GPR83: variants seen among roughly 807,000 people sequenced by gnomAD.
The protein encoded by GPR83 is G-protein coupled receptor 72.
A neutral mutation model predicts 28.0 loss-of-function variants in GPR83; 23 were observed. The observed-to-expected ratio is 0.82, with a 90% CI of 0.59 to 1.16. The LOEUF is 1.16. Ranked by LOEUF, GPR83 falls within the 50% of genes most tolerant of loss-of-function variation. The probability of loss-of-function intolerance (pLI) is 0.00; values close to 1 mark genes in which losing one functional copy is unlikely to be tolerated. For synonymous variants in GPR83, 234 were observed against 215.4 expected, an observed-to-expected ratio of 1.09 and a Z score of -0.76; for missense variants, 610 against 536.6, an observed-to-expected ratio of 1.14 and a Z score of -1.35.
chr11:94,384,263 G>T (rs1359892668), intron 3 of GPR83, among the ~76,000 whole-genome samples: 1 of 152,088 alleles, frequency 6.6e-6, no homozygotes, highest in Non-Finnish European at 1.5e-5. Flanking sequence ...TGTAGAAAAG[G>T]CCTTCAACAA....
At chr11:94,389,088 T>G (rs201878081) in intron 3 of GPR83, among the ~76,000 whole-genome samples, 1 of 152,186 alleles carries the variant, frequency 6.6e-6, no homozygotes, top group East Asian at 1.9e-4. Flanking sequence ...ATTCCCTATT[T>G]AATAAATGGT....
intron 3 of GPR83, among the ~76,000 whole-genome samples, chr11:94,387,129 A>G (rs146629687): frequency 0.034 from 5,129 of 152,290 alleles, 124 homozygotes; most frequent in Non-Finnish European, 0.053. Context: ...CTGAAACCAA[A>G]GAGAACAAAG....
chr11:94,391,023 C>T (rs1457621645), intron 3 of GPR83, among the ~76,000 whole-genome samples: 1 of 152,154 alleles, frequency 6.6e-6, no homozygotes, highest in Non-Finnish European at 1.5e-5. Context: ...CAAGACATTC[C>T]TGGGCAAGAA....
intron 3 of GPR83, among the ~76,000 whole-genome samples, chr11:94,385,955 C>A (rs1335404328): frequency 6.6e-6 from 1 of 152,148 alleles, no homozygotes; most frequent in East Asian, 1.9e-4. Flanking sequence ...AGAGAAAGGT[C>A]GGGTTACCCA....
chr11:94,389,333 T>C (rs1204728899), intron 3 of GPR83, among the ~76,000 whole-genome samples: 1 of 152,178 alleles, frequency 6.6e-6, no homozygotes, highest in African/African-American at 2.4e-5. Context: ...TGGGATCTAA[T>C]TAAACTAAAG....
rs1050496728 is a variant in GPR83 at position 94,378,868 on chromosome 11, T to G, written c.*1281A>C. On this transcript the variant is annotated 3_prime_UTR_variant, in exon 4 of 4. Coordinates refer to ENST00000243673, the MANE Select transcript of GPR83 (RefSeq NM_016540.4). ...AATCATGCCTCCTGGTTGAGTTTGA[T>G]TCCCTGGTTCATCTTGAGGCTGCCT... 6.6e-6 allele frequency: 1 copy of G among 152,204 alleles called. No homozygotes were observed. The highest frequency in any genetic ancestry group is 6.6e-5 in the Admixed American group (1 of 15,254). 9.4% of individuals were successfully genotyped at this position (152,204 alleles called of 1,614,324 possible).
intron 3 of GPR83, among the ~76,000 whole-genome samples, chr11:94,385,093 G>C (rs559399648): frequency 3.3e-5 from 5 of 152,342 alleles, no homozygotes; most frequent in African/African-American, 1.2e-4. Flanking sequence ...AACAGGGTCT[G>C]AAGTGGACCT....
chr11:94,390,018 TG>T (rs1173281757), intron 3 of GPR83, among the ~76,000 whole-genome samples: 1 of 152,114 alleles, frequency 6.6e-6, no homozygotes, highest in Non-Finnish European at 1.5e-5. Flanking sequence ...ATGTCCTTTG[TG>T]GGGACATGGA....
chr11:94,383,176 G>A (rs1028863459), intron 3 of GPR83, among the ~76,000 whole-genome samples: 27 of 149,468 alleles, frequency 1.8e-4, no homozygotes, highest in African/African-American at 5.2e-4. Context: ...AAAAAAAAAA[G>A]AAACTCACTC....
At chr11:94,384,357 G>T (rs1165650619) in intron 3 of GPR83, among the ~76,000 whole-genome samples, 1 of 152,080 alleles carries the variant, frequency 6.6e-6, no homozygotes, top group African/African-American at 2.4e-5. Flanking sequence ...ACTATTTATG[G>T]GGTGGTTCCA....
chr11:94,388,733 A>C (rs1198649954), intron 3 of GPR83, among the ~76,000 whole-genome samples: 1 of 152,226 alleles, frequency 6.6e-6, no homozygotes, highest in African/African-American at 2.4e-5. Flanking sequence ...AGTATTGTGA[A>C]AATGGCCATA....
chr11:94,380,901 C>T (rs1944680439), intron 3 of GPR83, 128 bp from the exon 4 acceptor site: 2 of 717,504 alleles, frequency 2.8e-6, no homozygotes, highest in Non-Finnish European at 2.3e-6. Flanking sequence ...TAATATGGCA[C>T]TTTTGATGCT....
At chr11:94,388,081 T>C (rs1191602951) in intron 3 of GPR83, among the ~76,000 whole-genome samples, 1 of 152,170 alleles carries the variant, frequency 6.6e-6, no homozygotes, top group African/African-American at 2.4e-5. Flanking sequence ...AACCACACGA[T>C]TATCTCAATA....
In GPR83 at chr11:94,380,185, G is replaced by A. The variant is rs200133196; in HGVS notation, c.1236C>T (p.Asp412=). The change falls in exon 4 of 4, where the codon GAC becomes GAT. Residue 412 remains aspartate (D), a synonymous_variant. Coordinates refer to ENST00000243673, the MANE Select transcript of GPR83 (RefSeq NM_016540.4). The part of the protein sequence containing the change: ...PTSQLQSGKT[D]LSSVEPIVTM... ...TCACAATGGGTTCCACAGATGACAG[G>A]TCTGTCTTCCCAGACTGGAGTTGGG... 75 of 1,518,050 alleles carry A rather than the reference G, an allele frequency of 4.9e-5. No homozygotes were observed. The highest frequency in any genetic ancestry group is 3.2e-4 in the African/African-American group (23 of 71,736). The allele number at this position is 1,518,050 out of a possible 1,614,324, so 94.0% of individuals were successfully genotyped here. A position where few individuals can be genotyped will look rare whatever the true frequency, so the allele number is the denominator to read the frequency against.
At chr11:94,381,389 A>G (rs1224413105) in intron 3 of GPR83, among the ~76,000 whole-genome samples, 2 of 151,956 alleles carry the variant, frequency 1.3e-5, no homozygotes, top group Admixed American at 6.5e-5. Context: ...TAGGGGGGAA[A>G]AAAAGTCCTC....
chr11:94,393,149 C>A (rs898545565), intron 3 of GPR83, among the ~76,000 whole-genome samples: 1 of 152,150 alleles, frequency 6.6e-6, no homozygotes, highest in Non-Finnish European at 1.5e-5. Context: ...AGGTTTACAC[C>A]TTGCTCCTTT....
intron 3 of GPR83, among the ~76,000 whole-genome samples, chr11:94,391,292 C>A (rs1242184489): frequency 6.6e-6 from 1 of 152,050 alleles, no homozygotes; most frequent in Non-Finnish European, 1.5e-5. Flanking sequence ...TGAAACTGGA[C>A]CCCCTCTTTA....
chr11:94,398,810 T>C (rs1944888027), intron 1 of GPR83, among the ~76,000 whole-genome samples: 1 of 152,068 alleles, frequency 6.6e-6, no homozygotes. Flanking sequence ...GGGTTGGAAG[T>C]CCCTCCCCAC....
At chr11:94,392,446 C>T (rs1260278721) in intron 3 of GPR83, among the ~76,000 whole-genome samples, 3 of 151,884 alleles carry the variant, frequency 2.0e-5, no homozygotes, top group Admixed American at 2.0e-4. Flanking sequence ...TGTACATGTA[C>T]CCCAGAATTT....
Sources: allele counts gnomAD v4.1 joint callset (sites outside exome capture counted in the v4.1 genomes callset), GRCh38; gene constraint gnomAD v4.1.1; transcripts MANE v1.5; gene names NCBI Gene and HGNC (gene_info 2026-07-23, HGNC 2026-07-21).